Variants in TAB2 observed in about 807,000 individuals in gnomAD.
TAB2 encodes TGF-beta-activated kinase 1 and MAP3K7-binding protein 2.
TAB2 carries 3 observed loss-of-function variants against 65.0 expected under a neutral mutation model. The observed-to-expected ratio is 0.05, with a 90% CI of 0.02 to 0.12. The LOEUF is 0.12. Ranked by LOEUF, TAB2 falls within the 10% of genes least tolerant of loss-of-function variation. The probability of loss-of-function intolerance (pLI) is 1.00; values close to 1 mark genes in which losing one functional copy is unlikely to be tolerated. For missense variants in TAB2, 623 were observed against 840.3 expected (o/e 0.74, Z 3.20); for synonymous variants, 298 against 285.1 (o/e 1.05, Z -0.46).
In TAB2 at chr6:149,378,827, A is replaced by G; in HGVS notation, c.912A>G (p.Ser304=). The change falls in exon 3 of 7, where the codon TCA becomes TCG. Residue 304 remains serine, a synonymous_variant. Coordinates refer to ENST00000637181, the MANE Select transcript of TAB2 (RefSeq NM_001292034.3). ...CAACCATTCATTCATCTGGTAGCTC[A>G]CAGTCTTCTGCCCATAGCCAATATA... The part of the protein sequence containing the change: ...QPPTIHSSGS[S]QSSAHSQYNI... The G allele has an allele frequency of 6.2e-7, 1 of 1,614,164 alleles. No homozygotes were observed. Among genetic ancestry groups the G allele is most frequent in the South Asian group, 1.1e-5 (1 of 91,086 alleles).
At chr6:149,257,589 C>A (rs994373815) in intron 1 of TAB2, 1 of 152,004 alleles carries the variant, frequency 6.6e-6, no homozygotes, top group Non-Finnish European at 1.5e-5. Flanking sequence ...AACCCCTGGC[C>A]TCAGAATCTT....
At chr6:149,331,268 C>T (rs1779774574) in intron 1 of TAB2, among the ~76,000 whole-genome samples, 1 of 151,374 alleles carries the variant, frequency 6.6e-6, no homozygotes, top group Non-Finnish European at 1.5e-5. Context: ...CATAAAAATC[C>T]CGTGCATGTT....
At chr6:149,397,787 T>C (rs901670575) in intron 4 of TAB2, 23 bp downstream of exon 4, 39 of 1,611,712 alleles carry the variant, frequency 2.4e-5, no homozygotes, top group Non-Finnish European at 3.1e-5. Flanking sequence ...GTAACTGTTG[T>C]GATCTCTGCT....
intron 1 of TAB2, among the ~76,000 whole-genome samples, chr6:149,333,710 TG>T (rs1186051748): frequency 2.9e-5 from 3 of 104,008 alleles, no homozygotes; most frequent in Non-Finnish European, 5.1e-5. Flanking sequence ...AGATCCATAG[TG>T]TGTGTGTGTG....
At chr6:149,382,307 C>G (rs73614917) in intron 3 of TAB2, among the ~76,000 whole-genome samples, 2,672 of 152,244 alleles carry the variant, frequency 0.018, 67 homozygotes, top group African/African-American at 0.061. Context: ...AGTCAAAATT[C>G]TAACTAGAGG....
At chr6:149,337,002 C>G (rs369385400) in intron 1 of TAB2, among the ~76,000 whole-genome samples, 1 of 151,700 alleles carries the variant, frequency 6.6e-6, no homozygotes. Flanking sequence ...AGATTTTAAG[C>G]GGCAGACTAC....
Position 149,397,727 on chromosome 6 carries a change from G to C in TAB2, c.1727G>C (p.Arg576Pro). The change falls in exon 4 of 7, where the codon CGC (arginine) becomes CCC (proline). Residue 576 changes from arginine to proline, a missense_variant. Arg to Pro is a moderately radical substitution (Grantham distance 103, BLOSUM62 -2). This residue lies in a region of TAB2 where 550 missense variants were observed against 665.7 expected (regional missense o/e 0.83). Transcript: ENST00000637181. ...NEMENNLTRR[R>P]LKRSNSISQI... ...ATGGAAAATAATCTAACTCGAAGGC[G>C]CCTGAAAAGATCAAATTCTATATCC... 6.2e-7 allele frequency: 1 copy of C among 1,613,856 alleles called. No homozygotes were observed. Among genetic ancestry groups the C allele is most frequent in the South Asian group, 1.1e-5 (1 of 91,064 alleles).
chr6:149,251,451 G>T (rs1777859011), intron 1 of TAB2, among the ~76,000 whole-genome samples: 1 of 152,212 alleles, frequency 6.6e-6, no homozygotes, highest in Non-Finnish European at 1.5e-5. Flanking sequence ...TCAAGCTAGA[G>T]AAGAGATTTG....
At chr6:149,400,159 G>A in intron 6 of TAB2, 1 of 548,932 alleles carries the variant, frequency 1.8e-6, no homozygotes, top group Non-Finnish European at 3.2e-6. Context: ...CCACTCACAA[G>A]GAGTTGTATG....
chr6:149,242,623 C>T (rs532699280), intron 1 of TAB2, among the ~76,000 whole-genome samples: 10 of 152,296 alleles, frequency 6.6e-5, no homozygotes, highest in East Asian at 1.9e-4. Flanking sequence ...AAGAGAATTT[C>T]GATGTGAGAC....
At chr6:149,299,089 TA>T (rs551762624) in intron 1 of TAB2, among the ~76,000 whole-genome samples, 248 of 152,366 alleles carry the variant, frequency 1.6e-3, no homozygotes, top group Middle Eastern at 6.8e-3. Context: ...TTAACCGTTT[TA>T]TATATTTCAT....
chr6:149,405,735 G>T (rs1782641613), intron 6 of TAB2, among the ~76,000 whole-genome samples: 1 of 152,060 alleles, frequency 6.6e-6, no homozygotes, highest in African/African-American at 2.4e-5. Flanking sequence ...GGTTACCAGG[G>T]GCTGGGAGAA....
intron 1 of TAB2, among the ~76,000 whole-genome samples, chr6:149,233,551 A>G (rs1287931534): frequency 6.6e-6 from 1 of 152,164 alleles, no homozygotes. Flanking sequence ...TCCCTGAATC[A>G]CCAACATGTA....
intron 1 of TAB2, among the ~76,000 whole-genome samples, chr6:149,290,055 G>A (rs1017753894): frequency 5.9e-5 from 9 of 152,142 alleles, no homozygotes; most frequent in Admixed American, 1.3e-4. Flanking sequence ...CAGGTAGCAG[G>A]TTTCAGAGAG....
chr6:149,227,123 G>A (rs1777296737), intron 1 of TAB2, among the ~76,000 whole-genome samples: 1 of 152,134 alleles, frequency 6.6e-6, no homozygotes, highest in African/African-American at 2.4e-5. Flanking sequence ...CTAAAAGAAA[G>A]ATTCACTTCT....
chr6:149,247,380 T>G (rs2114649532), intron 1 of TAB2: 1 of 152,376 alleles, frequency 6.6e-6, no homozygotes, highest in Admixed American at 6.5e-5. Flanking sequence ...ACACCAATCA[T>G]GTCCCCTTTG....
At chr6:149,343,133 TCAA>T (rs1376408677) in intron 1 of TAB2, among the ~76,000 whole-genome samples, 15 of 152,002 alleles carry the variant, frequency 9.9e-5, no homozygotes, top group Admixed American at 5.9e-4. Context: ...AAAACAAACA[TCAA>T]CAACAACAAA....
intron 3 of TAB2, among the ~76,000 whole-genome samples, 153 bp from the exon 4 acceptor site, chr6:149,397,451 A>G (rs1458796115): frequency 6.6e-6 from 1 of 152,198 alleles, no homozygotes. Flanking sequence ...CAAAAAAAAA[A>G]AAAAATTGAA....
intron 1 of TAB2, among the ~76,000 whole-genome samples, chr6:149,320,189 G>A (rs890882042): frequency 3.9e-5 from 6 of 152,198 alleles, no homozygotes; most frequent in African/African-American, 1.2e-4. Context: ...GGATTCTCCC[G>A]CCTCAGCCTT....
Sources: gnomAD v4.1 joint callset for allele counts (sites outside exome capture counted in the v4.1 genomes callset) on GRCh38, gnomAD v4.1.1 for gene constraint, gnomAD v4.1.1 regional missense constraint, MANE v1.5 for transcripts, NCBI Gene and HGNC (gene_info 2026-07-23, HGNC 2026-07-21) for gene names.